Variants in AHRR observed in about 807,000 individuals in gnomAD.
The protein encoded by AHRR is ahR repressor.
In AHRR, 28 loss-of-function variants were observed where a neutral mutation model predicts 44.0. That is an observed-to-expected ratio of 0.64 (90% CI 0.47 to 0.87). The LOEUF is 0.87. AHRR is among the 40% of genes least tolerant of loss of function. The pLI is 0.00. For synonymous variants in AHRR, 434 were observed against 407.0 expected (o/e 1.07, Z -0.80); for missense variants, 990 against 953.9 (o/e 1.04, Z -0.50).
chr5:402,532 G>T (rs935037381), intron 4 of AHRR, among the ~76,000 whole-genome samples: 5 of 152,004 alleles, frequency 3.3e-5, no homozygotes, highest in African/African-American at 1.2e-4. Flanking sequence ...GTTGATGAGG[G>T]TGTGGAGAGA....
chr5:380,190 A>G (rs1208862201), intron 4 of AHRR, among the ~76,000 whole-genome samples: 1 of 152,152 alleles, frequency 6.6e-6, no homozygotes, highest in Admixed American at 6.5e-5. Context: ...ATATATCTGT[A>G]TTTTTAACCT....
chr5:416,253 G>A (rs909760973), intron 5 of AHRR, among the ~76,000 whole-genome samples: 13 of 152,358 alleles, frequency 8.5e-5, no homozygotes, highest in African/African-American at 2.9e-4. Context: ...GTGCAGGGTG[G>A]AGACACAGCT....
At chr5:431,065 C>T (rs1303603960) in intron 8 of AHRR, among the ~76,000 whole-genome samples, 1 of 152,242 alleles carries the variant, frequency 6.6e-6, no homozygotes, top group Non-Finnish European at 1.5e-5. Context: ...GGAGTTTCCA[C>T]TGCACATGGC....
intron 1 of AHRR, among the ~76,000 whole-genome samples, chr5:341,662 T>C (rs1294878551): frequency 1.3e-5 from 2 of 151,974 alleles, no homozygotes; most frequent in Non-Finnish European, 2.9e-5. Context: ...GCTGGGATTA[T>C]AGGCATGAGC....
intron 3 of AHRR, among the ~76,000 whole-genome samples, chr5:373,153 C>T (rs1338221892): frequency 6.6e-6 from 1 of 152,252 alleles, no homozygotes; most frequent in East Asian, 1.9e-4. Context: ...AGAGTGCTGG[C>T]AGGACACAGG....
rs566025871 is a variant in AHRR, at chr5:363,083, G to A, written c.244+9172G>A. On this transcript the variant is annotated intron_variant, in intron 3 of 10. Coordinates refer to ENST00000684583, the MANE Select transcript of AHRR (RefSeq NM_001377236.1). ...ACAGTTAAAACTCTACATGTCTTCC[G>A]CATGTGAACCTCTTCCCAACCTCAC... 3.9e-5 allele frequency among the ~76,000 whole-genome samples: 6 copies of A among 152,340 alleles called. No individual in the cohort carries two copies. In the East Asian group the frequency reaches 5.8e-4, roughly 15 times the overall value.
chr5:378,489 G>C (rs981621532), intron 4 of AHRR, among the ~76,000 whole-genome samples: 1 of 152,254 alleles, frequency 6.6e-6, no homozygotes, highest in African/African-American at 2.4e-5. Context: ...ACCCCTGAGA[G>C]TGTAGTCTGG....
chr5:426,853 ATGGATGGG>A (rs1029693106), intron 7 of AHRR, among the ~76,000 whole-genome samples: 1 of 140,074 alleles, frequency 7.1e-6, no homozygotes, highest in African/African-American at 2.5e-5. Context: ...GGATAGATGG[ATGGATGGG>A]TGGATGGATG....
At chr5:323,571 T>A (rs1172338959) in intron 1 of AHRR, among the ~76,000 whole-genome samples, 1 of 152,222 alleles carries the variant, frequency 6.6e-6, no homozygotes, top group East Asian at 1.9e-4. Context: ...GTGAGGCCCC[T>A]CCTTCATGTG....
chr5:399,923 A>G (rs1734939301), intron 4 of AHRR, among the ~76,000 whole-genome samples: 1 of 152,216 alleles, frequency 6.6e-6, no homozygotes, highest in African/African-American at 2.4e-5. Context: ...TGTGGGATCT[A>G]TAAACAGCCA....
At chr5:322,820 C>T (rs1741547879) in intron 1 of AHRR, among the ~76,000 whole-genome samples, 1 of 152,256 alleles carries the variant, frequency 6.6e-6, no homozygotes, top group Admixed American at 6.5e-5. Context: ...AGGATGCTGA[C>T]CCGGCGGACG....
chr5:346,822 G>A (rs919693563), intron 2 of AHRR, among the ~76,000 whole-genome samples: 1 of 152,212 alleles, frequency 6.6e-6, no homozygotes, highest in Admixed American at 6.5e-5. Context: ...TGATGAACAC[G>A]CGGAAGCTCA....
At chr5:323,680 G>A (rs1304808717) in intron 1 of AHRR, among the ~76,000 whole-genome samples, 1 of 152,200 alleles carries the variant, frequency 6.6e-6, no homozygotes, top group Non-Finnish European at 1.5e-5. Flanking sequence ...GTGCTGAGAC[G>A]CCGGGGGAGG....
At chr5:403,902 T>A (rs1048347051) in intron 4 of AHRR, 2 of 1,585,874 alleles carry the variant, frequency 1.3e-6, no homozygotes, top group Admixed American at 3.3e-5. Context: ...TAGATGAGAA[T>A]GTAGCTATTC....
intron 2 of AHRR, among the ~76,000 whole-genome samples, chr5:350,595 G>C (rs1742826292): frequency 6.6e-6 from 1 of 152,138 alleles, no homozygotes; most frequent in Non-Finnish European, 1.5e-5. Context: ...CCCAGCTGCT[G>C]TCTGCCCACT....
At position 337,713 on chromosome 5, in the gene AHRR, C is replaced by T. The variant is rs771562756; in HGVS notation, c.-10-6180C>T. On this transcript the variant is annotated intron_variant, in intron 1 of 10. Transcript: ENST00000684583. The surrounding 1 kb of genome is among the most constrained non-coding windows in gnomAD (Gnocchi z 4.1). ...AACTCTGGATGGTGCTCCGGGGCTGCGGGAGGCCCCTAAGGAGTGCGCTTG... is the reference window on the plus strand; with the variant it reads ...AACTCTGGATGGTGCTCCGGGGCTGTGGGAGGCCCCTAAGGAGTGCGCTTG... Among the ~76,000 whole-genome samples the T allele has an allele frequency of 5.3e-5, 8 of 152,110 alleles. No individual in the cohort carries two copies. Among genetic ancestry groups the T allele is most frequent in the Non-Finnish European group, 7.4e-5 (5 of 68,024 alleles).
chr5:351,548 A>T (rs1441411130), intron 2 of AHRR, among the ~76,000 whole-genome samples: 33 of 152,152 alleles, frequency 2.2e-4, no homozygotes, highest in Non-Finnish European at 1.5e-5. Context: ...CTTTAGTAGG[A>T]GGGTCCATGC....
chr5:330,590 C>CTGG (rs755729045), intron 1 of AHRR, among the ~76,000 whole-genome samples: 12 of 152,030 alleles, frequency 7.9e-5, no homozygotes, highest in Non-Finnish European at 1.3e-4. Flanking sequence ...GGCAGGCTGG[C>CTGG]CTCAAATTCC....
intron 4 of AHRR, among the ~76,000 whole-genome samples, chr5:380,314 C>CT (rs930486083): frequency 1.2e-4 from 15 of 124,632 alleles, no homozygotes; most frequent in African/African-American, 3.8e-4. Flanking sequence ...TATTCTAGTT[C>CT]TTTTTTTTCC....
Sources: allele counts gnomAD v4.1 joint callset (sites outside exome capture counted in the v4.1 genomes callset), GRCh38; gene constraint gnomAD v4.1.1; non-coding constraint Gnocchi (gnomAD v3.1); transcripts MANE v1.5; gene names NCBI Gene and HGNC (gene_info 2026-07-23, HGNC 2026-07-21).